Variants in TXLNB observed in about 807,000 individuals in gnomAD.
TXLNB encodes beta-taxilin.
A neutral mutation model predicts 57.4 loss-of-function variants in TXLNB; 37 were observed. The observed-to-expected ratio is 0.64, with a 90% CI of 0.50 to 0.85. The LOEUF (loss-of-function observed/expected upper bound fraction) is 0.85, where lower values mean the gene tolerates loss of function less well. Ranked by LOEUF, TXLNB falls within the 40% of genes least tolerant of loss-of-function variation. The pLI, the probability that TXLNB is intolerant of heterozygous loss-of-function variation, is 0.00. For synonymous variants in TXLNB, 302 were observed against 309.6 expected (o/e 0.98, Z 0.26); for missense variants, 848 against 825.6 (o/e 1.03, Z -0.33).
the TXLNB span, among the ~76,000 whole-genome samples, chr6:139,228,904 G>A: frequency 6.6e-6 from 1 of 152,158 alleles, no homozygotes; most frequent in Non-Finnish European, 1.5e-5. Flanking sequence ...TGGCAGTTCT[G>A]GAGCTGCCAC....
At chr6:139,322,038 A>G in the TXLNB span, among the ~76,000 whole-genome samples, 1 of 151,738 alleles carries the variant, frequency 6.6e-6, no homozygotes, top group Non-Finnish European at 1.5e-5. Context: ...ATTCACAGGC[A>G]CCATCATAGC....
At chr6:139,178,856 G>A in the TXLNB span, 2 of 152,230 alleles carry the variant, frequency 1.3e-5, no homozygotes, top group Non-Finnish European at 2.9e-5. Context: ...TTACAGGCGT[G>A]AGTCACTGTG....
At chr6:139,264,917 T>G (rs1776576298) in intron 4 of TXLNB, among the ~76,000 whole-genome samples, 1 of 152,126 alleles carries the variant, frequency 6.6e-6, no homozygotes, top group Non-Finnish European at 1.5e-5. Flanking sequence ...AAAATTTGAG[T>G]CCATTGTTAG....
At chr6:139,277,028 G>T in intron 2 of TXLNB, 107 bp from the exon 3 acceptor site, 1 of 751,264 alleles carries the variant, frequency 1.3e-6, no homozygotes, top group Non-Finnish European at 2.1e-6. Flanking sequence ...CCTTGGCTAA[G>T]CCATTCATCT....
the TXLNB span, among the ~76,000 whole-genome samples, chr6:139,318,065 C>G: frequency 6.6e-6 from 1 of 151,638 alleles, no homozygotes; most frequent in Non-Finnish European, 1.5e-5. Flanking sequence ...GTCAGGAGAT[C>G]GAGACCATCC....
the TXLNB span, among the ~76,000 whole-genome samples, chr6:139,202,372 T>C: frequency 1.3e-5 from 2 of 152,234 alleles, no homozygotes; most frequent in African/African-American, 2.4e-5. Flanking sequence ...TATTTTTATT[T>C]TGGTTGTGTA....
At chr6:139,283,473 G>A (rs1777102067) in intron 2 of TXLNB, among the ~76,000 whole-genome samples, 1 of 143,654 alleles carries the variant, frequency 7.0e-6, no homozygotes, top group Admixed American at 6.8e-5. Flanking sequence ...CTACTTGGGA[G>A]GCTGAGGCAG....
the TXLNB span, chr6:139,170,024 C>T: frequency 2.6e-5 from 4 of 152,168 alleles, no homozygotes; most frequent in Non-Finnish European, 5.9e-5. Flanking sequence ...TTTCTGACTT[C>T]ATATAGTTTA....
At chr6:139,259,293 C>T (rs952298626) in intron 6 of TXLNB, among the ~76,000 whole-genome samples, 3 of 152,166 alleles carry the variant, frequency 2.0e-5, no homozygotes, top group Non-Finnish European at 4.4e-5. Flanking sequence ...CAGTACTTTC[C>T]CATTGTATTT....
intron 5 of TXLNB, among the ~76,000 whole-genome samples, chr6:139,262,365 T>C (rs1776504781): frequency 6.6e-6 from 1 of 152,310 alleles, no homozygotes; most frequent in South Asian, 2.1e-4. Context: ...GCCTTTACTT[T>C]GTAGTGATGC....
rs1019391191 is a variant in TXLNB, at chr6:139,270,526, C to G, written c.617G>C (p.Arg206Thr). Residue 206 changes from arginine to threonine, a missense_variant, in exon 4 of 10, where the codon AGA becomes ACA. Transcript: ENST00000358430. ...CAATTTGCTTCGAGCGAGGATAGCT[C>G]TGCTGTGTTCACCTTGTAACTGGTC... is the stretch of plus-strand genomic sequence containing the variant. Reference protein sequence around the residue: ...EKDQLQGEHSRAILARSKLES... With the variant: ...EKDQLQGEHSTAILARSKLES... 2.5e-6 allele frequency: 4 copies of G among 1,614,168 alleles called. No homozygotes were observed. The Admixed American group carries it at 6.7e-5, about 27-fold the overall frequency.
the TXLNB span, among the ~76,000 whole-genome samples, chr6:139,306,822 C>G: frequency 1.3e-5 from 2 of 152,172 alleles, no homozygotes; most frequent in African/African-American, 4.8e-5. Flanking sequence ...AGCCAACAGC[C>G]ATTATCTGCT....
At chr6:139,175,223 C>T in the TXLNB span, among the ~76,000 whole-genome samples, 1 of 152,134 alleles carries the variant, frequency 6.6e-6, no homozygotes, top group Non-Finnish European at 1.5e-5. Context: ...AAATATCTTG[C>T]TTTATTTCCA....
At chr6:139,238,934 C>G (rs1018138560), downstream of TXLNB, 1 of 152,208 alleles carries the variant, frequency 6.6e-6, no homozygotes, top group Non-Finnish European at 1.5e-5. Context: ...AACCATCTGC[C>G]TCTCCTGTTT....
chr6:139,232,313 G>T, the TXLNB span, among the ~76,000 whole-genome samples: 1 of 152,102 alleles, frequency 6.6e-6, no homozygotes, highest in African/African-American at 2.4e-5. Flanking sequence ...GGGAAAAACT[G>T]CCCCCATGAT....
At chr6:139,163,177 C>G in the TXLNB span, among the ~76,000 whole-genome samples, 3 of 152,160 alleles carry the variant, frequency 2.0e-5, no homozygotes, top group African/African-American at 7.2e-5. Flanking sequence ...CTGGCAGTGC[C>G]TGGAGACATT....
chr6:139,197,059 G>A, the TXLNB span, among the ~76,000 whole-genome samples: 2 of 152,046 alleles, frequency 1.3e-5, no homozygotes, highest in Non-Finnish European at 2.9e-5. Flanking sequence ...TTGGGGGTGG[G>A]GGGTTATTAT....
At chr6:139,278,812 T>C (rs901596184) in intron 2 of TXLNB, among the ~76,000 whole-genome samples, 15 of 152,236 alleles carry the variant, frequency 9.9e-5, no homozygotes, top group East Asian at 1.9e-4. Flanking sequence ...AAGACCATCC[T>C]GGCCAACATG....
At chr6:139,323,482 A>G in the TXLNB span, among the ~76,000 whole-genome samples, 1 of 151,994 alleles carries the variant, frequency 6.6e-6, no homozygotes, top group South Asian at 2.1e-4. Context: ...CGGGGGTTTC[A>G]CAGTATTAGC....
Sources: allele counts gnomAD v4.1 joint callset (sites outside exome capture counted in the v4.1 genomes callset), GRCh38; gene constraint gnomAD v4.1.1; transcripts MANE v1.5; gene names NCBI Gene and HGNC (gene_info 2026-07-23, HGNC 2026-07-21).